The following ATAD2B variants were observed in gnomAD, a reference collection of about 807,000 sequenced individuals.
The protein encoded by ATAD2B is ATPase family AAA domain-containing protein 2B.
ATAD2B carries 40 observed loss-of-function variants against 167.6 expected under a neutral mutation model. That is an observed-to-expected ratio of 0.24 (90% CI 0.19 to 0.31). The LOEUF (loss-of-function observed/expected upper bound fraction) is 0.31. Among genes scored for constraint, ATAD2B ranks in the 10% least tolerant of loss-of-function variants. The pLI is 1.00. For synonymous variants in ATAD2B, 579 were observed against 596.5 expected, an observed-to-expected ratio of 0.97 and a Z score of 0.43; for missense variants, 1,242 against 1,757.2, an observed-to-expected ratio of 0.71 and a Z score of 5.24.
chr2:23,686,011 G>A, the ATAD2B span, among the ~76,000 whole-genome samples: 19 of 152,210 alleles, frequency 1.2e-4, no homozygotes, highest in Admixed American at 1.2e-3. Flanking sequence ...TTCAGAGACC[G>A]CACATTGAAA....
Position 23,926,858 on chromosome 2 carries a change from C to CCGAGCCGGGCAATGAGAGA in ATAD2B, c.-107_-89dup. On this transcript the variant is annotated 5_prime_UTR_variant, in exon 1 of 28. Coordinates refer to ENST00000238789, the MANE Select transcript of ATAD2B (RefSeq NM_017552.4). ...GGCCGGTCAGTCAGGGCCAGCGGAG[C>CCGAGCCGGGCAATGAGAGA]CGAGCCGGGCAATGAGAGACGAGCC... 4 of 1,417,608 alleles carry CCGAGCCGGGCAATGAGAGA rather than the reference C, an allele frequency of 2.8e-6. No individual in the cohort carries two copies. The highest frequency in any genetic ancestry group is 1.5e-5 in the South Asian group (1 of 66,068). The allele number at this position is 1,417,608 out of a possible 1,614,324, so 87.8% of individuals were successfully genotyped here.
At chr2:23,770,976 T>C (rs1354779291) in intron 22 of ATAD2B, among the ~76,000 whole-genome samples, 1 of 152,242 alleles carries the variant, frequency 6.6e-6, no homozygotes, top group Non-Finnish European at 1.5e-5. Flanking sequence ...CCATGACATA[T>C]ATCTCCATTT....
Position 23,926,894 on chromosome 2 carries a change from G to A in ATAD2B, c.-124C>T, listed in dbSNP as rs1215000866. ...AATGAGAGACGAGCCGGCCCGGAGC[G>A]TGCGGAGCGCAGACGAGCACAAGAG... is the stretch of plus-strand genomic sequence containing the variant. On this transcript the variant is annotated 5_prime_UTR_variant, in exon 1 of 28. In the 5' UTR this introduces an upstream ATG that the reference lacks. Coordinates refer to ENST00000238789, the MANE Select transcript of ATAD2B (RefSeq NM_017552.4). The A allele has an allele frequency of 4.1e-6, 5 of 1,219,762 alleles. No individual in the cohort carries two copies. The African/African-American group carries it at 4.8e-5, about 12-fold the overall frequency. The allele number at this position is 1,219,762 out of a possible 1,614,324, so 75.6% of individuals were successfully genotyped here.
At chr2:23,796,542 A>T (rs900012752) in intron 19 of ATAD2B, among the ~76,000 whole-genome samples, 1 of 152,214 alleles carries the variant, frequency 6.6e-6, no homozygotes, top group African/African-American at 2.4e-5. Context: ...TTTTCAAACA[A>T]TATAGAGGGA....
At chr2:23,853,335 C>T (rs1258901546) in intron 13 of ATAD2B, among the ~76,000 whole-genome samples, 1 of 152,128 alleles carries the variant, frequency 6.6e-6, no homozygotes, top group African/African-American at 2.4e-5. Context: ...AAGGAAACCA[C>T]AAAATAGCTA....
chr2:23,817,607 A>G (rs1044123276), intron 17 of ATAD2B, among the ~76,000 whole-genome samples: 3 of 152,220 alleles, frequency 2.0e-5, no homozygotes, highest in Non-Finnish European at 4.4e-5. Context: ...GAACTATGTT[A>G]TATCTTATTC....
the ATAD2B span, among the ~76,000 whole-genome samples, chr2:23,741,548 T>C: frequency 2.0e-5 from 3 of 152,016 alleles, no homozygotes; most frequent in African/African-American, 2.4e-5. Flanking sequence ...ATACAAAAAT[T>C]AATTCAAGAT....
At chr2:23,709,177 G>T in the ATAD2B span, among the ~76,000 whole-genome samples, 1 of 152,220 alleles carries the variant, frequency 6.6e-6, no homozygotes, top group South Asian at 2.1e-4. Flanking sequence ...GAGTAGCTGG[G>T]ATTACAAGCC....
intron 8 of ATAD2B, among the ~76,000 whole-genome samples, chr2:23,874,983 G>A (rs1276214408): frequency 2.0e-5 from 3 of 150,468 alleles, no homozygotes; most frequent in East Asian, 2.0e-4. Context: ...GTGAACCCAG[G>A]AGGTGGAGCT....
At chr2:23,743,609 C>A in the ATAD2B span, among the ~76,000 whole-genome samples, 1 of 149,928 alleles carries the variant, frequency 6.7e-6, no homozygotes, top group Non-Finnish European at 1.5e-5. Flanking sequence ...TGGGGATGAA[C>A]TGAGGAACAA....
chr2:23,811,525 C>T (rs1037421437), intron 17 of ATAD2B: 1 of 152,228 alleles, frequency 6.6e-6, no homozygotes, highest in Non-Finnish European at 1.5e-5. Context: ...TATGTTCTCA[C>T]TCATAAGTGG....
chr2:23,802,016 G>C, intron 18 of ATAD2B, among the ~76,000 whole-genome samples: 1 of 151,972 alleles, frequency 6.6e-6, no homozygotes, highest in Non-Finnish European at 1.5e-5. Flanking sequence ...AAACCCAAAT[G>C]TGAATGAAGC....
intron 13 of ATAD2B, among the ~76,000 whole-genome samples, chr2:23,844,487 CAATATTAGAATTGCCA>C (rs141666535): frequency 0.11 from 16,661 of 152,114 alleles, 987 homozygotes; most frequent in Middle Eastern, 0.18. Flanking sequence ...CCCAGAAATA[CAATATTAGAATTGCCA>C]AAGGCATTAA....
chr2:23,747,810 A>G (rs908422883), downstream of ATAD2B, among the ~76,000 whole-genome samples: 1 of 152,134 alleles, frequency 6.6e-6, no homozygotes, highest in African/African-American at 2.4e-5. Context: ...CAGTCACTAG[A>G]TAACTTTGTA....
chr2:23,769,423 G>C (rs1289676180), intron 22 of ATAD2B, among the ~76,000 whole-genome samples: 1 of 152,050 alleles, frequency 6.6e-6, no homozygotes, highest in Non-Finnish European at 1.5e-5. Flanking sequence ...CTGGGTGACA[G>C]AGGAAGACAG....
intron 19 of ATAD2B, among the ~76,000 whole-genome samples, chr2:23,797,641 A>G (rs751337815): frequency 1.2e-4 from 18 of 152,194 alleles, no homozygotes; most frequent in African/African-American, 4.3e-4. Context: ...GTGCATATAT[A>G]TATAACGAGA....
intron 26 of ATAD2B, 47 bp downstream of exon 26, chr2:23,754,600 A>G: frequency 6.3e-7 from 1 of 1,591,148 alleles, no homozygotes; most frequent in Non-Finnish European, 8.6e-7. Context: ...ACACATTCAA[A>G]TCTCCGTCCA....
At position 23,750,073 on chromosome 2, in the gene ATAD2B, T is replaced by C. The variant is rs2149287383; in HGVS notation, c.*1973A>G. On this transcript the variant is annotated 3_prime_UTR_variant, in exon 28 of 28. Coordinates refer to ENST00000238789, the MANE Select transcript of ATAD2B (RefSeq NM_017552.4). The stretch of plus-strand genomic sequence containing the variant: ...TTTCCATCAAAATACAAAATGCTAA[T>C]GTATTAGACAATAAAATAGTTTGAA... 1 of 152,280 alleles carries C rather than the reference T, an allele frequency of 6.6e-6. No individual in the cohort carries two copies. The highest frequency in any genetic ancestry group is 6.5e-5 in the Admixed American group (1 of 15,282). 9.4% of individuals were successfully genotyped at this position (152,280 alleles called of 1,614,324 possible).
chr2:23,891,043 T>C (rs1233573705), intron 2 of ATAD2B, among the ~76,000 whole-genome samples: 1 of 144,768 alleles, frequency 6.9e-6, no homozygotes, highest in African/African-American at 2.6e-5. Context: ...TTTTTTGAGG[T>C]GGAGTCTTGC....
Sources: allele counts gnomAD v4.1 joint callset (sites outside exome capture counted in the v4.1 genomes callset), GRCh38; gene constraint gnomAD v4.1.1; transcripts MANE v1.5; gene names NCBI Gene and HGNC (gene_info 2026-07-23, HGNC 2026-07-21).